Variants in NDUFS4 observed in about 807,000 individuals in gnomAD.
NDUFS4 encodes the protein NADH:ubiquinone oxidoreductase subunit S4.
Under a neutral mutation model 24.3 loss-of-function variants are expected in NDUFS4, and 28 were observed. That is an observed-to-expected ratio of 1.15 (90% CI 0.85 to 1.58). The LOEUF is 1.58. Ranked by LOEUF, NDUFS4 falls within the 40% of genes most tolerant of loss-of-function variation. NDUFS4 has a pLI of 0.00. For synonymous variants in NDUFS4, 93 were observed against 69.7 expected, an observed-to-expected ratio of 1.34 and a Z score of -1.67; for missense variants, 223 against 207.9, an observed-to-expected ratio of 1.07 and a Z score of -0.45.
intron 2 of NDUFS4, among the ~76,000 whole-genome samples, chr5:53,612,783 A>G (rs1750736943): frequency 6.6e-6 from 1 of 152,146 alleles, no homozygotes; most frequent in Admixed American, 6.6e-5. Flanking sequence ...AATGTCTGTA[A>G]GCAGCAGCAA....
At chr5:53,572,719 CT>C (rs1749252246) in intron 1 of NDUFS4, among the ~76,000 whole-genome samples, 1 of 150,980 alleles carries the variant, frequency 6.6e-6, no homozygotes, top group Non-Finnish European at 1.5e-5. Context: ...TCTTGGCTTA[CT>C]GCAACCTCTG....
intron 4 of NDUFS4, among the ~76,000 whole-genome samples, chr5:53,660,374 C>T (rs572981397): frequency 9.9e-4 from 150 of 152,170 alleles, no homozygotes; most frequent in African/African-American, 3.5e-3. Context: ...GTATATGTGC[C>T]ACATTTGCTT....
At chr5:53,564,396 C>G (rs1159931467) in intron 1 of NDUFS4, among the ~76,000 whole-genome samples, 15 of 152,180 alleles carry the variant, frequency 9.9e-5, no homozygotes, top group Non-Finnish European at 2.2e-4. Context: ...ATCTTTGTAA[C>G]ACATCCAAGC....
At chr5:53,619,114 AAATAATAATAATAAT>A (rs574681564) in intron 2 of NDUFS4, among the ~76,000 whole-genome samples, 1 of 148,932 alleles carries the variant, frequency 6.7e-6, no homozygotes, top group African/African-American at 2.5e-5. Flanking sequence ...ACTGTCTCCA[AAATAATAATAATAAT>A]AATAATAATA....
At chr5:53,587,010 G>C (rs1370541541) in intron 1 of NDUFS4, among the ~76,000 whole-genome samples, 1 of 152,064 alleles carries the variant, frequency 6.6e-6, no homozygotes, top group African/African-American at 2.4e-5. Flanking sequence ...TTTTAGTGGA[G>C]ACGGGGTTTC....
At chr5:53,631,548 T>C (rs1411433121) in intron 2 of NDUFS4, among the ~76,000 whole-genome samples, 1 of 152,214 alleles carries the variant, frequency 6.6e-6, no homozygotes, top group African/African-American at 2.4e-5. Flanking sequence ...AGTCCCTGAC[T>C]GGGGCTGCTT....
chr5:53,633,145 A>G (rs1320191528), intron 2 of NDUFS4, among the ~76,000 whole-genome samples: 1 of 152,176 alleles, frequency 6.6e-6, no homozygotes, highest in African/African-American at 2.4e-5. Flanking sequence ...ACTGAGTGCT[A>G]TAATCTGCTT....
chr5:53,669,380 C>A (rs1359644645), intron 4 of NDUFS4, among the ~76,000 whole-genome samples: 1 of 152,164 alleles, frequency 6.6e-6, no homozygotes, highest in Non-Finnish European at 1.5e-5. Context: ...ACCTACTACA[C>A]CTTCCTCCCT....
rs148459704 is a variant in NDUFS4, at chr5:53,648,437, A to G, written c.350+2032A>G. On this transcript the variant is annotated intron_variant, in intron 3 of 4. Transcript: ENST00000296684. ...CATATGTAAGATAATTTTCCTAAGT[A>G]ATCTTGCTCTAATGGGTTGTATATT... Among the ~76,000 whole-genome samples the G allele has an allele frequency of 8.8e-3, 1,346 of 152,352 alleles. 10 individuals carry two copies. Among genetic ancestry groups the G allele is most frequent in the Non-Finnish European group, 0.015 (990 of 68,036 alleles).
intron 3 of NDUFS4, among the ~76,000 whole-genome samples, chr5:53,649,562 T>G (rs1395116652): frequency 1.3e-5 from 2 of 152,206 alleles, no homozygotes; most frequent in Non-Finnish European, 2.9e-5. Flanking sequence ...CTGCGTAGTA[T>G]TCCATGATGT....
chr5:53,679,719 T>TA (rs1280749092), intron 4 of NDUFS4, among the ~76,000 whole-genome samples: 1 of 152,158 alleles, frequency 6.6e-6, no homozygotes, highest in African/African-American at 2.4e-5. Context: ...ATTTCCTAGA[T>TA]ATTTGAGTGC....
chr5:53,605,697 T>C (rs1437866516), intron 2 of NDUFS4, among the ~76,000 whole-genome samples: 1 of 152,130 alleles, frequency 6.6e-6, no homozygotes, highest in African/African-American at 2.4e-5. Flanking sequence ...AGACCTGTGT[T>C]AGACTGTTCT....
chr5:53,626,995 C>T (rs922077697), intron 2 of NDUFS4, among the ~76,000 whole-genome samples: 1 of 148,802 alleles, frequency 6.7e-6, no homozygotes, highest in Non-Finnish European at 1.5e-5. Context: ...AGGTTTTCTT[C>T]TAGGGTTTTT....
intron 4 of NDUFS4, among the ~76,000 whole-genome samples, chr5:53,679,023 C>T (rs1344849279): frequency 2.0e-5 from 3 of 152,114 alleles, no homozygotes; most frequent in African/African-American, 7.2e-5. Context: ...CCTCAAAAAA[C>T]AGCAAATTTT....
rs187740755 is a variant in NDUFS4 at position 53,665,650 on chromosome 5, G to T, written c.424+7026G>T. 1.1e-3 allele frequency among the ~76,000 whole-genome samples: 174 copies of T among 152,328 alleles called. 2 individuals are homozygous for T. In the East Asian group the frequency reaches 0.027, roughly 24 times the overall value. ...CAGGTGCGGGATATAATCTCCTGGTGTGCCGTTTGCTAAGACCGTTGGAAA... is the reference window on the plus strand; with the variant it reads ...CAGGTGCGGGATATAATCTCCTGGTTTGCCGTTTGCTAAGACCGTTGGAAA... On this transcript the variant is annotated intron_variant, in intron 4 of 4. Coordinates refer to ENST00000296684, the MANE Select transcript of NDUFS4 (RefSeq NM_002495.4).
chr5:53,589,096 GAAAAT>G (rs1749860286), intron 1 of NDUFS4, among the ~76,000 whole-genome samples: 1 of 152,236 alleles, frequency 6.6e-6, no homozygotes, highest in African/African-American at 2.4e-5. Context: ...AAAAGCGTAA[GAAAAT>G]AAATTATTCT....
intron 2 of NDUFS4, among the ~76,000 whole-genome samples, chr5:53,640,504 T>C (rs1751680281): frequency 6.6e-6 from 1 of 152,144 alleles, no homozygotes; most frequent in South Asian, 2.1e-4. Flanking sequence ...AGGCTGATTC[T>C]ACTCATGGCA....
intron 1 of NDUFS4, among the ~76,000 whole-genome samples, chr5:53,593,597 GC>G (rs1216049437): frequency 2.9e-5 from 4 of 138,682 alleles, no homozygotes; most frequent in African/African-American, 1.0e-4. Context: ...GGTTTATGTT[GC>G]CCTTTTTTTT....
At chr5:53,588,752 C>G (rs958578103) in intron 1 of NDUFS4, among the ~76,000 whole-genome samples, 5 of 152,176 alleles carry the variant, frequency 3.3e-5, no homozygotes, top group African/African-American at 1.2e-4. Flanking sequence ...TACCAACTAG[C>G]TTTCCCTTTG....
Sources: gnomAD v4.1 joint callset for allele counts (sites outside exome capture counted in the v4.1 genomes callset) on GRCh38, gnomAD v4.1.1 for gene constraint, MANE v1.5 for transcripts, NCBI Gene and HGNC (gene_info 2026-07-23, HGNC 2026-07-21) for gene names.